The following MYO1B variants were observed in gnomAD, a reference collection of about 807,000 sequenced individuals.
MYO1B encodes the protein myosin IB.
A neutral mutation model predicts 159.7 loss-of-function variants in MYO1B; 72 were observed. The ratio of observed to expected loss-of-function variants is 0.45; its 90% CI spans 0.37 to 0.55. MYO1B has a LOEUF of 0.55. Among genes scored for constraint, MYO1B ranks in the 20% least tolerant of loss-of-function variants. The probability of loss-of-function intolerance (pLI) is 0.00; values close to 1 mark genes in which losing one functional copy is unlikely to be tolerated. For missense variants in MYO1B, 1,062 were observed against 1,364.8 expected (o/e 0.78, Z 3.50); for synonymous variants, 468 against 473.8 (o/e 0.99, Z 0.16).
intron 3 of MYO1B, among the ~76,000 whole-genome samples, chr2:191,308,910 C>G (rs377470059): frequency 3.3e-5 from 5 of 152,200 alleles, no homozygotes; most frequent in Non-Finnish European, 7.3e-5. Flanking sequence ...GTCTTTCCCC[C>G]GCCTTGCTGG....
chr2:191,395,780 A>G (rs1295910268), intron 20 of MYO1B, among the ~76,000 whole-genome samples: 1 of 152,214 alleles, frequency 6.6e-6, no homozygotes, highest in Non-Finnish European at 1.5e-5. Context: ...TCTGTGCTGC[A>G]TCTCTCCCAG....
chr2:191,418,422 A>T (rs1213371773), intron 30 of MYO1B, among the ~76,000 whole-genome samples: 1 of 149,154 alleles, frequency 6.7e-6, no homozygotes, highest in East Asian at 2.0e-4. Context: ...TGTAATCATT[A>T]TGGATAAGTG....
rs1574635596 is a variant in MYO1B, at chr2:191,409,197, C to T, written c.2766+19C>T. ...GTGGAGGGTAAAAAATGTCATATTA[C>T]ATCTTTTCGGAGACTTTCTTATTTA... On this transcript the variant is annotated intron_variant, in intron 26 of 30. Coordinates refer to ENST00000392318, the MANE Select transcript of MYO1B (RefSeq NM_001130158.3). 1.3e-6 allele frequency: 2 copies of T among 1,595,468 alleles called. No individual in the cohort carries two copies. Among genetic ancestry groups the T allele is most frequent in the Non-Finnish European group, 1.7e-6 (2 of 1,174,792 alleles).
chr2:191,321,145 G>T (rs1690684719), intron 3 of MYO1B, among the ~76,000 whole-genome samples: 1 of 152,160 alleles, frequency 6.6e-6, no homozygotes, highest in African/African-American at 2.4e-5. Context: ...TAAAGAAAAA[G>T]TGGCATATGA....
chr2:191,356,103 C>T (rs1693260503), intron 7 of MYO1B, among the ~76,000 whole-genome samples: 1 of 151,990 alleles, frequency 6.6e-6, no homozygotes. Context: ...GGAAAGTCAT[C>T]AATAAAAGGC....
chr2:191,362,995 C>T (rs746362863), intron 9 of MYO1B, among the ~76,000 whole-genome samples: 55 of 152,272 alleles, frequency 3.6e-4, no homozygotes, highest in Admixed American at 7.8e-4. Context: ...AAAGGACATG[C>T]GGGTTCTTTC....
At position 191,398,927 on chromosome 2, in the gene MYO1B, T is replaced by G. The variant is rs959480476; in HGVS notation, c.2296-1455T>G. ...GGCCAAGGCAGGCGGCTGGGAGGTG[T>G]AGGTTGTAGTGAGCTGAGATCACGC... On this transcript the variant is annotated intron_variant, in intron 21 of 30. Coordinates refer to ENST00000392318, the MANE Select transcript of MYO1B (RefSeq NM_001130158.3). Among the ~76,000 whole-genome samples the G allele has an allele frequency of 8.0e-4, 122 of 152,128 alleles. 2 individuals carry two copies. The highest frequency in any genetic ancestry group is 1.6e-4 in the Non-Finnish European group (11 of 67,970).
At chr2:191,346,097 TG>T in intron 5 of MYO1B, 138 bp from the exon 6 acceptor site, 1 of 680,120 alleles carries the variant, frequency 1.5e-6, no homozygotes, top group Non-Finnish European at 2.4e-6. Context: ...TATATTTCTA[TG>T]GAAGTTTTGG....
intron 11 of MYO1B, among the ~76,000 whole-genome samples, chr2:191,364,977 G>A (rs1332486087): frequency 1.3e-5 from 2 of 150,850 alleles, no homozygotes; most frequent in African/African-American, 2.5e-5. Flanking sequence ...TGGCCTCCCT[G>A]CCTTACTTCT....
chr2:191,363,181 G>A (rs1417328997), intron 9 of MYO1B, among the ~76,000 whole-genome samples: 2 of 152,174 alleles, frequency 1.3e-5, no homozygotes, highest in Non-Finnish European at 2.9e-5. Context: ...GCAATAGTCT[G>A]TTGATCCCTG....
rs1298123109 is a variant in MYO1B at position 191,390,337 on chromosome 2, G to C, written c.1827G>C (p.Glu609Asp). 1 of 1,614,180 alleles carries C rather than the reference G, an allele frequency of 6.2e-7. No homozygotes were observed. The highest frequency in any genetic ancestry group is 2.2e-5 in the East Asian group (1 of 44,890). ...AAAAAGCAGCACACATCTTCAACGAGGCTCTAGTGTGTCATCAGATCAGGT... is the reference window on the plus strand; with the variant it reads ...AAAAAGCAGCACACATCTTCAACGACGCTCTAGTGTGTCATCAGATCAGGT... ...NDKKAAHIFN[E>D]ALVCHQIRYL... Residue 609 changes from glutamate to aspartate, a missense_variant, in exon 18 of 31, where the codon GAG (glutamate) becomes GAC (aspartate). Glu to Asp is a conservative substitution (Grantham distance 45). Coordinates refer to ENST00000392318, the MANE Select transcript of MYO1B (RefSeq NM_001130158.3).
chr2:191,359,255 A>G (rs10166280), intron 7 of MYO1B, among the ~76,000 whole-genome samples: 3,922 of 149,558 alleles, frequency 0.026, 163 homozygotes, highest in African/African-American at 0.089. Flanking sequence ...GATGGTAACT[A>G]TTACACAATC....
At chr2:191,326,770 A>ATATGTG (rs1175505917) in intron 3 of MYO1B, among the ~76,000 whole-genome samples, 1,596 of 137,050 alleles carry the variant, frequency 0.012, 24 homozygotes, top group African/African-American at 0.041. Context: ...GTTTGTATAT[A>ATATGTG]TGTGTGTGTG....
chr2:191,248,226 A>C (rs1191117211), intron 1 of MYO1B, among the ~76,000 whole-genome samples: 1 of 152,214 alleles, frequency 6.6e-6, no homozygotes, highest in Non-Finnish European at 1.5e-5. Flanking sequence ...TACTATATTC[A>C]TCATCACAAC....
intron 13 of MYO1B, among the ~76,000 whole-genome samples, chr2:191,373,102 A>C (rs1694481131): frequency 6.6e-6 from 1 of 151,834 alleles, no homozygotes; most frequent in African/African-American, 2.4e-5. Flanking sequence ...CACCCACCTC[A>C]GCCTCCCAAA....
intron 18 of MYO1B, among the ~76,000 whole-genome samples, chr2:191,391,130 G>A (rs1574585805): frequency 6.6e-6 from 1 of 152,224 alleles, no homozygotes; most frequent in East Asian, 1.9e-4. Context: ...TGTACTGACG[G>A]GCGGCTGTTG....
At chr2:191,391,046 A>T (rs1247773615) in intron 18 of MYO1B, among the ~76,000 whole-genome samples, 1 of 152,266 alleles carries the variant, frequency 6.6e-6, no homozygotes, top group East Asian at 1.9e-4. Context: ...CCAGTCCCAG[A>T]CAGAGTGCTG....
At chr2:191,423,355 CA>C (rs959894557) in intron 30 of MYO1B, among the ~76,000 whole-genome samples, 4 of 152,118 alleles carry the variant, frequency 2.6e-5, no homozygotes, top group Non-Finnish European at 4.4e-5. Flanking sequence ...GTATAAAAGA[CA>C]AAAAAATGGT....
At chr2:191,330,120 C>G in intron 4 of MYO1B, 91 bp downstream of exon 4, 1 of 1,072,654 alleles carries the variant, frequency 9.3e-7, no homozygotes, top group Non-Finnish European at 1.4e-6. Flanking sequence ...TTAGCAAGAT[C>G]TGTCGCAGGG....
Sources: allele counts gnomAD v4.1 joint callset (sites outside exome capture counted in the v4.1 genomes callset), GRCh38; gene constraint gnomAD v4.1.1; transcripts MANE v1.5; gene names NCBI Gene and HGNC (gene_info 2026-07-23, HGNC 2026-07-21).